BRINP2: variants seen among roughly 807,000 people sequenced by gnomAD.
BRINP2 encodes BMP/retinoic acid-inducible neural-specific protein 2.
A neutral mutation model predicts 69.2 loss-of-function variants in BRINP2; 21 were observed. The ratio of observed to expected loss-of-function variants is 0.30; its 90% CI spans 0.22 to 0.44. The LOEUF (loss-of-function observed/expected upper bound fraction) is 0.44. BRINP2 is among the 20% of genes least tolerant of loss of function. BRINP2 has a pLI of 1.00. For synonymous variants in BRINP2, 380 were observed against 394.1 expected, an observed-to-expected ratio of 0.96 and a Z score of 0.42; for missense variants, 877 against 986.0, an observed-to-expected ratio of 0.89 and a Z score of 1.48.
In BRINP2 at chr1:177,280,433, C is replaced by T. The variant is rs369846504; in HGVS notation, c.1257C>T (p.Asn419=). 6 of 1,610,212 alleles carry T rather than the reference C, an allele frequency of 3.7e-6. No individual in the cohort carries two copies. In the African/African-American group the frequency reaches 4.0e-5, roughly 11 times the overall value. The stretch of plus-strand genomic sequence containing the variant: ...CAAGGTCCTTGTCCTACTGGTGGAA[C>T]CGAATCCAGTCCCTCCTCTACTGTG... ...PKERSLSYWW[N]RIQSLLYCGE... is the part of the protein sequence containing the mutation. The change falls in exon 8 of 8, where the codon AAC becomes AAT. Residue 419 remains asparagine (N), a synonymous_variant. Coordinates refer to ENST00000361539, the MANE Select transcript of BRINP2 (RefSeq NM_021165.4).
intron 1 of BRINP2, among the ~76,000 whole-genome samples, chr1:177,215,530 C>G (rs1649350303): frequency 6.6e-6 from 1 of 152,030 alleles, no homozygotes; most frequent in Non-Finnish European, 1.5e-5. Flanking sequence ...CTGATTTTTG[C>G]ATGTTGATTT....
chr1:177,192,487 CTCTG>C (rs1429803867), intron 1 of BRINP2, among the ~76,000 whole-genome samples: 5 of 152,176 alleles, frequency 3.3e-5, no homozygotes, highest in Admixed American at 1.3e-4. Context: ...TGGTTTCCAA[CTCTG>C]TCTAACTTAT....
At chr1:177,185,220 A>C (rs1648392893) in intron 1 of BRINP2, among the ~76,000 whole-genome samples, 1 of 152,094 alleles carries the variant, frequency 6.6e-6, no homozygotes, top group Non-Finnish European at 1.5e-5. Context: ...AGGCACTCGG[A>C]GGTTCACAAT....
At chr1:177,228,272 G>A (rs1023280204) in intron 1 of BRINP2, among the ~76,000 whole-genome samples, 1 of 152,184 alleles carries the variant, frequency 6.6e-6, no homozygotes, top group African/African-American at 2.4e-5. Context: ...TCTAAGCAGG[G>A]GTTGCAACTC....
At chr1:177,204,014 C>A (rs1173762705) in intron 1 of BRINP2, among the ~76,000 whole-genome samples, 3 of 152,186 alleles carry the variant, frequency 2.0e-5, no homozygotes. Flanking sequence ...ATATCAGGAG[C>A]AAGTGCCCTG....
chr1:177,217,031 G>A (rs1388373786), intron 1 of BRINP2, among the ~76,000 whole-genome samples: 1 of 151,646 alleles, frequency 6.6e-6, no homozygotes, highest in African/African-American at 2.4e-5. Context: ...GTATACCTAG[G>A]TGTTGGCTTC....
chr1:177,226,436 C>A (rs1195218179), intron 1 of BRINP2, among the ~76,000 whole-genome samples: 1 of 152,236 alleles, frequency 6.6e-6, no homozygotes, highest in Non-Finnish European at 1.5e-5. Context: ...GGCTTCTTCT[C>A]ATGCAGACAA....
At chr1:177,250,621 G>A (rs1002529615) in intron 2 of BRINP2, among the ~76,000 whole-genome samples, 13 of 152,272 alleles carry the variant, frequency 8.5e-5, no homozygotes, top group African/African-American at 2.9e-4. Flanking sequence ...CACGGCGCCC[G>A]GCTGCCACTT....
Position 177,220,925 on chromosome 1 carries a change from G to A in BRINP2, c.-76-8876G>A, listed in dbSNP as rs569397001. On this transcript the variant is annotated intron_variant, in intron 1 of 7. Transcript: ENST00000361539. ...ATGCTGACAGGCCATCTAAACAGGA[G>A]CCACACAGCTTCCAAAAAAGCAGCA... Among the ~76,000 whole-genome samples, 65 of 152,282 alleles carry A rather than the reference G, an allele frequency of 4.3e-4. 1 individual carries two copies. In the South Asian group the frequency reaches 0.013, roughly 32 times the overall value.
chr1:177,280,352 G>A lies in BRINP2; in HGVS notation c.1236-60G>A. 3 of 1,477,410 alleles carry A rather than the reference G, an allele frequency of 2.0e-6. No individual in the cohort carries two copies. The South Asian group carries it at 4.0e-5, about 20-fold the overall frequency. The allele number at this position is 1,477,410 out of a possible 1,614,324, so 91.5% of individuals were successfully genotyped here. A position where few individuals can be genotyped will look rare whatever the true frequency, so the allele number is the denominator to read the frequency against. On this transcript the variant is annotated intron_variant, in intron 7 of 7. Transcript: ENST00000361539. Reference sequence around the variant, plus strand: ...GTGGTCAATGTCTTGCTGCCCTTAAGAAGGGTGTCAGTGTGTGACTTCTTT... The same window carrying A: ...GTGGTCAATGTCTTGCTGCCCTTAAAAAGGGTGTCAGTGTGTGACTTCTTT...
chr1:177,262,830 AG>A (rs1360364298), intron 4 of BRINP2, among the ~76,000 whole-genome samples: 28 of 152,318 alleles, frequency 1.8e-4, no homozygotes, highest in Admixed American at 1.2e-3. Flanking sequence ...ATAAGAGCTA[AG>A]AGTGTTGGTT....
At chr1:177,188,882 T>G (rs1325384441) in intron 1 of BRINP2, among the ~76,000 whole-genome samples, 2 of 152,164 alleles carry the variant, frequency 1.3e-5, no homozygotes, top group Non-Finnish European at 2.9e-5. Context: ...AACTGCAGTG[T>G]ATGTTTACAG....
intron 4 of BRINP2, among the ~76,000 whole-genome samples, chr1:177,270,165 C>G (rs1480756804): frequency 1.3e-5 from 2 of 152,110 alleles, no homozygotes; most frequent in Non-Finnish European, 2.9e-5. Context: ...CCAGCTCCCT[C>G]TATTCTTTTC....
At chr1:177,205,717 A>G (rs368262454) in intron 1 of BRINP2, among the ~76,000 whole-genome samples, 1 of 152,198 alleles carries the variant, frequency 6.6e-6, no homozygotes, top group East Asian at 1.9e-4. Context: ...AAGAGAAAGA[A>G]GTCTAGAACT....
rs1455328509 is a variant in BRINP2, at chr1:177,281,781, A to G, written c.*253A>G. 1.9e-5 allele frequency: 7 copies of G among 370,138 alleles called. No homozygotes were observed. The highest frequency in any genetic ancestry group is 3.4e-5 in the Non-Finnish European group (7 of 208,388). The allele number at this position is 370,138 out of a possible 1,614,324, so 22.9% of individuals were successfully genotyped here. A position where few individuals can be genotyped will look rare whatever the true frequency, so the allele number is the denominator to read the frequency against. The stretch of plus-strand genomic sequence containing the variant: ...CAACTAAGCAGCCTCAGATCTGTAA[A>G]GTTGATTGGTGCTTTCTAAAATGAA... On this transcript the variant is annotated 3_prime_UTR_variant, in exon 8 of 8. Transcript: ENST00000361539.
At chr1:177,272,185 C>G (rs1651348792) in intron 4 of BRINP2, among the ~76,000 whole-genome samples, 1 of 152,166 alleles carries the variant, frequency 6.6e-6, no homozygotes, top group African/African-American at 2.4e-5. Context: ...GATGGTGCCT[C>G]TTCTGCTACT....
chr1:177,229,781 T>C lies in BRINP2; in HGVS notation c.-76-20T>C. On this transcript the variant is annotated intron_variant, in intron 1 of 7. Transcript: ENST00000361539. ...GGGTAACAGGGTGCTCAAATGACAATGCCTTTTGTACTTTTCCAGCTCCGA... is the reference window on the plus strand; with the variant it reads ...GGGTAACAGGGTGCTCAAATGACAACGCCTTTTGTACTTTTCCAGCTCCGA... 6.7e-7 allele frequency: 1 copy of C among 1,481,852 alleles called. No individual in the cohort carries two copies. Among genetic ancestry groups the C allele is most frequent in the Non-Finnish European group, 9.0e-7 (1 of 1,109,156 alleles). The allele number at this position is 1,481,852 out of a possible 1,614,324, so 91.8% of individuals were successfully genotyped here.
chr1:177,263,301 G>A (rs1293626070), intron 4 of BRINP2, among the ~76,000 whole-genome samples: 1 of 152,164 alleles, frequency 6.6e-6, no homozygotes, highest in African/African-American at 2.4e-5. Flanking sequence ...CATTCCCTAT[G>A]TAATCACTTA....
At chr1:177,244,623 A>G (rs1334469734) in intron 2 of BRINP2, among the ~76,000 whole-genome samples, 1 of 152,202 alleles carries the variant, frequency 6.6e-6, no homozygotes, top group Non-Finnish European at 1.5e-5. Flanking sequence ...TGAAAAAGTG[A>G]GACTCCATCT....
Sources: gnomAD v4.1 joint callset for allele counts (sites outside exome capture counted in the v4.1 genomes callset) on GRCh38, gnomAD v4.1.1 for gene constraint, MANE v1.5 for transcripts, NCBI Gene and HGNC (gene_info 2026-07-23, HGNC 2026-07-21) for gene names.